The following CDHR4 variants were observed in gnomAD, a reference collection of about 807,000 sequenced individuals.
CDHR4 encodes the protein cadherin related family member 4.
A neutral mutation model predicts 88.4 loss-of-function variants in CDHR4; 89 were observed. That is an observed-to-expected ratio of 1.01 (90% CI 0.85 to 1.20). The LOEUF (loss-of-function observed/expected upper bound fraction) is 1.20, where lower values mean the gene tolerates loss of function less well. Among genes scored for constraint, CDHR4 ranks in the 50% most tolerant of loss-of-function variants. The pLI, the probability that CDHR4 is intolerant of heterozygous loss-of-function variation, is 0.00. For missense variants in CDHR4, 914 were observed against 1,007.2 expected (o/e 0.91, Z 1.25); for synonymous variants, 368 against 399.2 (o/e 0.92, Z 0.93).
chr3:49,793,920 C>G lies in CDHR4; in HGVS notation c.1366G>C (p.Ala456Pro), dbSNP rs1053583848. 14 of 1,551,676 alleles carry G rather than the reference C, an allele frequency of 9.0e-6. No homozygotes were observed. The Admixed American group carries it at 2.4e-4, about 26-fold the overall frequency. Residue 456 changes from alanine (A) to proline (P), a missense_variant, in exon 11 of 19, where the codon GCG (alanine) becomes CCG (proline). Transcript: ENST00000412678. ...APRTFRVQED[A>P]APHTLLGSVV... Reference sequence around the variant, plus strand: ...GAGCCCAGTAGAGTGTGGGGCGCCGCATCCTCCTGAACCCGGAACGTGCGA... The same window carrying G: ...GAGCCCAGTAGAGTGTGGGGCGCCGGATCCTCCTGAACCCGGAACGTGCGA...
chr3:49,801,288 C>T (rs935447029), upstream of CDHR4, among the ~76,000 whole-genome samples: 1 of 152,228 alleles, frequency 6.6e-6, no homozygotes, highest in African/African-American at 2.4e-5. Flanking sequence ...CAGATTTCTC[C>T]TGGCTGTTCC....
upstream of CDHR4, among the ~76,000 whole-genome samples, chr3:49,802,365 C>A (rs1044873365): frequency 2.0e-5 from 3 of 151,918 alleles, no homozygotes; most frequent in South Asian, 4.1e-4. Context: ...TTAGTAGAGA[C>A]GGGGTTTCAC....
chr3:49,791,205 C>T (rs1473908096), intron 18 of CDHR4, among the ~76,000 whole-genome samples: 1 of 152,196 alleles, frequency 6.6e-6, no homozygotes, highest in East Asian at 1.9e-4. Context: ...CATCCCTCCT[C>T]CCGTTGTGGG....
At chr3:49,791,563 G>T in intron 17 of CDHR4, 95 bp from the exon 18 acceptor site, 1 of 1,486,112 alleles carries the variant, frequency 6.7e-7, no homozygotes, top group Non-Finnish European at 9.1e-7. Flanking sequence ...AAGCCCACCT[G>T]CCTCCTCCAT....
intron 15 of CDHR4, 106 bp downstream of exon 15, chr3:49,792,362 C>T: frequency 7.2e-7 from 1 of 1,390,348 alleles, no homozygotes; most frequent in Non-Finnish European, 9.8e-7. Flanking sequence ...GTTCGTCACC[C>T]ACCTACTTGG....
At chr3:49,802,131 C>A (rs1432104555), upstream of CDHR4, among the ~76,000 whole-genome samples, 3 of 149,830 alleles carry the variant, frequency 2.0e-5, no homozygotes, top group African/African-American at 7.3e-5. Flanking sequence ...TCTTCTCCTT[C>A]TTCTCCTTCT....
chr3:49,794,718 G>C lies in CDHR4; in HGVS notation c.1186-17C>G, dbSNP rs1302645579. 5 of 1,546,788 alleles carry C rather than the reference G, an allele frequency of 3.2e-6. No individual in the cohort carries two copies. The highest frequency in any genetic ancestry group is 4.4e-6 in the Non-Finnish European group (5 of 1,144,014). On this transcript the variant is annotated splice_polypyrimidine_tract_variant and intron_variant, in intron 9 of 18. Coordinates refer to ENST00000412678, the MANE Select transcript of CDHR4 (RefSeq NM_001007540.4). ...GGCATTCACCTAGCCAAAGGGGCTA[G>C]AAAGTGAGGTCCAGCCAGGGCCTGA...
chr3:49,792,470 CT>C lies in CDHR4; in HGVS notation c.2135del (p.Gln712ArgfsTer19). 1.9e-6 allele frequency: 3 copies of C among 1,551,612 alleles called. No individual in the cohort carries two copies. The South Asian group carries it at 3.6e-5, about 18-fold the overall frequency. ...GAGCACAAGGATAGGATCCCTACCC[CT>C]GGAGGAGCCTGCCAAGAAGCCAGCC... ...ALGWLLGRLL[Q>X]GLAQLLQAPS... On this transcript the variant is annotated frameshift_variant, in exon 15 of 19. Coordinates refer to ENST00000412678, the MANE Select transcript of CDHR4 (RefSeq NM_001007540.4). LOFTEE classifies it high-confidence loss of function.
Position 49,798,891 on chromosome 3 carries a change from T to C in CDHR4, c.430A>G (p.Thr144Ala), listed in dbSNP as rs779808458. 12 of 1,613,698 alleles carry C rather than the reference T, an allele frequency of 7.4e-6. No homozygotes were observed. The South Asian group carries it at 1.2e-4, about 16-fold the overall frequency. The change falls in exon 4 of 19, where the codon ACA (threonine) becomes GCA (alanine). Residue 144 changes from threonine to alanine, a missense_variant. Transcript: ENST00000412678. ...TACAGCCGAGCCCCAGGTGTGACTG[T>C]CTCTGGCACCTGAATCATTTCCCCA... ...PAGEMIQVPETVTPGARLYTL... is the reference protein window; with the variant it reads ...PAGEMIQVPEAVTPGARLYTL...
chr3:49,791,760 G>A lies in CDHR4; in HGVS notation c.2237C>T (p.Ala746Val). Residue 746 changes from alanine (A) to valine (V), a missense_variant, in exon 17 of 19, where the codon GCA (alanine) becomes GTA (valine). Coordinates refer to ENST00000412678, the MANE Select transcript of CDHR4 (RefSeq NM_001007540.4). ...TEGSIEGFLE[A>V]PKMEMSQAPS... is the part of the protein sequence containing the mutation. ...TGCCTGGGACATCTCCATCTTCGGT[G>A]CCTCCAGGAAACCCTCGATGGATCC... The A allele has an allele frequency of 1.3e-6, 2 of 1,551,700 alleles. No homozygotes were observed. The highest frequency in any genetic ancestry group is 1.7e-6 in the Non-Finnish European group (2 of 1,146,994).
chr3:49,795,837 G>GC lies in CDHR4; in HGVS notation c.711-74dup. 6.5e-7 allele frequency: 1 copy of GC among 1,535,186 alleles called. No individual in the cohort carries two copies. On this transcript the variant is annotated intron_variant, in intron 6 of 18. Transcript: ENST00000412678. This position sits in a 1 kb window ranked among gnomAD's most constrained non-coding sequence, Gnocchi z 5.4. ...GTGGGTCCACAGCTTCCTTCCCTGG[G>GC]CCCCCTCCTGTCAGGGCTGGGACTC...
Position 49,794,631 on chromosome 3 carries a change from T to C in CDHR4, c.1256A>G (p.Asp419Gly), listed in dbSNP as rs1419908622. The C allele has an allele frequency of 6.4e-7, 1 of 1,550,956 alleles. No individual in the cohort carries two copies. Among genetic ancestry groups the C allele is most frequent in the South Asian group, 1.2e-5 (1 of 83,964 alleles). The change falls in exon 10 of 19, where the codon GAT becomes GGT. Residue 419 changes from aspartate to glycine, a missense_variant. Physicochemically the swap from Asp to Gly is moderately conservative, Grantham distance 94. Coordinates refer to ENST00000412678, the MANE Select transcript of CDHR4 (RefSeq NM_001007540.4). ...FQHAASILVL[D>G]GGQPQMTTEV... ...ACTGGTCATCTGGGGCTGGCCACCA[T>C]CGAGCACCAGGATGGAGGCTGCATG...
intron 17 of CDHR4, 120 bp downstream of exon 17, chr3:49,791,594 C>T (rs2081180646): frequency 2.0e-6 from 3 of 1,469,460 alleles, no homozygotes; most frequent in Non-Finnish European, 2.8e-6. Context: ...CTAGTGTGGG[C>T]ATTTCCACAA....
chr3:49,793,281 G>T lies in CDHR4; in HGVS notation c.1654C>A (p.Pro552Thr). ...TAGATGGTGAGTTCCTGAAATGGGG[G>T]CTCACACTCGGGGGCATGGTCATTC... ...DVNDHAPECE[P>T]PFQELTIYAP... The change falls in exon 13 of 19, where the codon CCC becomes ACC. Residue 552 changes from proline (P) to threonine (T), a missense_variant. Pro to Thr is a conservative substitution (Grantham distance 38, BLOSUM62 -1). Transcript: ENST00000412678. 1 of 1,551,592 alleles carries T rather than the reference G, an allele frequency of 6.4e-7. No homozygotes were observed. Among genetic ancestry groups the T allele is most frequent in the Non-Finnish European group, 8.7e-7 (1 of 1,146,984 alleles).
At chr3:49,797,765 G>A (rs1436436235) in intron 4 of CDHR4, among the ~76,000 whole-genome samples, 1 of 152,068 alleles carries the variant, frequency 6.6e-6, no homozygotes, top group South Asian at 2.1e-4. Flanking sequence ...ACAGGTGTGA[G>A]CCACTGTGCC....
At chr3:49,799,629 A>AGG (rs1253335274) in intron 1 of CDHR4, 135 bp downstream of exon 1, 2 of 1,068,316 alleles carry the variant, frequency 1.9e-6, no homozygotes, top group Non-Finnish European at 2.7e-6. Flanking sequence ...GGCCAAGAGA[A>AGG]GGGGTGAGGG....
Position 49,795,832 on chromosome 3 carries a change from C to T in CDHR4, c.711-68G>A, listed in dbSNP as rs1575348660. The stretch of plus-strand genomic sequence containing the variant: ...AACCTGTGGGTCCACAGCTTCCTTC[C>T]CTGGGCCCCCTCCTGTCAGGGCTGG... On this transcript the variant is annotated intron_variant, in intron 6 of 18. Coordinates refer to ENST00000412678, the MANE Select transcript of CDHR4 (RefSeq NM_001007540.4). The surrounding 1 kb of genome is among the most constrained non-coding windows in gnomAD (Gnocchi z 5.4). The T allele has an allele frequency of 3.2e-6, 5 of 1,539,172 alleles. No individual in the cohort carries two copies. The highest frequency in any genetic ancestry group is 4.4e-6 in the Non-Finnish European group (5 of 1,139,566).
chr3:49,797,788 C>G (rs963754826), intron 4 of CDHR4, among the ~76,000 whole-genome samples: 5 of 151,728 alleles, frequency 3.3e-5, no homozygotes, highest in African/African-American at 1.2e-4. Context: ...GCCTGACACC[C>G]AGTTTTCTCA....
rs182848561 is a variant in CDHR4 at position 49,797,283 on chromosome 3, T to C, written c.496-251A>G. ...TTCCTCCCTCCCTCCCTTCCTTCCT[T>C]CTTTCTTTTTTTTGAGACAGAGTCT... On this transcript the variant is annotated intron_variant, in intron 4 of 18. Transcript: ENST00000412678. Among the ~76,000 whole-genome samples the C allele has an allele frequency of 7.6e-3, 1,149 of 151,256 alleles. 5 individuals carry two copies. Among genetic ancestry groups the C allele is most frequent in the Non-Finnish European group, 0.013 (875 of 67,766 alleles).
Sources: allele counts gnomAD v4.1 joint callset (sites outside exome capture counted in the v4.1 genomes callset), GRCh38; gene constraint gnomAD v4.1.1; non-coding constraint Gnocchi (gnomAD v3.1); transcripts MANE v1.5; gene names NCBI Gene and HGNC (gene_info 2026-07-23, HGNC 2026-07-21).